Variants in FOXN4 observed in about 807,000 individuals in gnomAD.
FOXN4 encodes forkhead box N4.
A neutral mutation model predicts 45.0 loss-of-function variants in FOXN4; 12 were observed. That is an observed-to-expected ratio of 0.27 (90% CI 0.17 to 0.43). FOXN4 has a LOEUF of 0.43. Among genes scored for constraint, FOXN4 ranks in the 20% least tolerant of loss-of-function variants. The pLI, the probability that FOXN4 is intolerant of heterozygous loss-of-function variation, is 1.00. For missense variants in FOXN4, 560 were observed against 694.9 expected (o/e 0.81, Z 2.18); for synonymous variants, 297 against 295.0 (o/e 1.01, Z -0.07).
rs754367630 is a variant in FOXN4, at chr12:109,281,624, G to C, written c.1077C>G (p.Val359=). 3 of 1,610,462 alleles carry C rather than the reference G, an allele frequency of 1.9e-6. No individual in the cohort carries two copies. The highest frequency in any genetic ancestry group is 1.7e-6 in the Non-Finnish European group (2 of 1,178,460). The change falls in exon 9 of 10, where the codon GTC becomes GTG. Residue 359 remains valine (V), a synonymous_variant. Transcript: ENST00000299162. The part of the protein sequence containing the change: ...QPLMTLSLQS[V]PLHHQVQPQA... Reference sequence around the variant, plus strand: ...GGGGCTGGACCTGGTGGTGCAGGGGGACTGACTGCAGGGACAGGGTCATCA... The same window carrying C: ...GGGGCTGGACCTGGTGGTGCAGGGGCACTGACTGCAGGGACAGGGTCATCA...
intron 2 of FOXN4, among the ~76,000 whole-genome samples, chr12:109,303,947 T>G (rs1435601361): frequency 6.6e-6 from 1 of 151,866 alleles, no homozygotes; most frequent in African/African-American, 2.4e-5. Context: ...TCCCAGGACT[T>G]TGGGAGGCTG....
chr12:109,299,020 T>G (rs563346127), intron 2 of FOXN4, among the ~76,000 whole-genome samples: 1 of 152,258 alleles, frequency 6.6e-6, no homozygotes, highest in South Asian at 2.1e-4. Flanking sequence ...AGGCATCTGG[T>G]CTGCTGAAAA....
At chr12:109,285,199 G>T in intron 8 of FOXN4, 105 bp downstream of exon 8, 1 of 1,407,340 alleles carries the variant, frequency 7.1e-7, no homozygotes, top group Non-Finnish European at 9.8e-7. Context: ...GGCTTCACCA[G>T]GGTTGGCCAT....
In FOXN4 at chr12:109,288,203, C is replaced by T. The variant is rs546925821; in HGVS notation, c.233-23G>A. 30 of 1,542,748 alleles carry T rather than the reference C, an allele frequency of 1.9e-5. No individual in the cohort carries two copies. Among genetic ancestry groups the T allele is most frequent in the African/African-American group, 1.6e-4 (12 of 72,732 alleles). On this transcript the variant is annotated intron_variant, in intron 3 of 9. Transcript: ENST00000299162. This position sits in a 1 kb window ranked among gnomAD's most constrained non-coding sequence, Gnocchi z 4.3. ...CACCTGCCGGAGAGAAGCACAGAGA[C>T]GCTGCTGGGCTGGAGGAATGGTGGC...
intron 2 of FOXN4, among the ~76,000 whole-genome samples, chr12:109,293,015 C>T (rs2047783487): frequency 6.6e-6 from 1 of 152,160 alleles, no homozygotes; most frequent in African/African-American, 2.4e-5. Flanking sequence ...TCTGCAGCCC[C>T]CCGCAGGCCC....
rs2047758379 is a variant in FOXN4 at position 109,290,600 on chromosome 12, A to T, written c.87-314T>A. On this transcript the variant is annotated intron_variant, in intron 2 of 9. Coordinates refer to ENST00000299162, the MANE Select transcript of FOXN4 (RefSeq NM_213596.3). This position sits in a 1 kb window ranked among gnomAD's most constrained non-coding sequence, Gnocchi z 5.1. ...CCAGACACCGATCAAGCCTTTTTAC[A>T]CTCCCAGTCACCCTATGAGGCAGGT... Among the ~76,000 whole-genome samples, 1 of 151,962 alleles carries T rather than the reference A, an allele frequency of 6.6e-6. No individual in the cohort carries two copies. The highest frequency in any genetic ancestry group is 2.1e-4 in the South Asian group (1 of 4,820).
At chr12:109,283,624 TGCC>T (rs2047674394) in intron 8 of FOXN4, among the ~76,000 whole-genome samples, 1 of 151,936 alleles carries the variant, frequency 6.6e-6, no homozygotes, top group Non-Finnish European at 1.5e-5. Flanking sequence ...TACAGGCACC[TGCC>T]ACCATGCCTG....
chr12:109,287,582 A>G lies in FOXN4; in HGVS notation c.469-58T>C, dbSNP rs1414480566. 2.0e-5 allele frequency: 30 copies of G among 1,476,158 alleles called. No individual in the cohort carries two copies. The highest frequency in any genetic ancestry group is 2.6e-5 in the Non-Finnish European group (29 of 1,112,904). 91.4% of individuals were successfully genotyped at this position (1,476,158 alleles called of 1,614,324 possible). A position where few individuals can be genotyped will look rare whatever the true frequency, so the allele number is the denominator to read the frequency against. ...AGAGAAAGAGAGAAGGTGAGAAATA[A>G]CATACGTCACTCACAGTAACACTGT... is the stretch of plus-strand genomic sequence containing the variant. On this transcript the variant is annotated intron_variant, in intron 5 of 9. Transcript: ENST00000299162. The surrounding 1 kb of genome is among the most constrained non-coding windows in gnomAD (Gnocchi z 4.1).
chr12:109,284,882 A>T (rs1222450302), intron 8 of FOXN4, among the ~76,000 whole-genome samples: 1 of 111,460 alleles, frequency 9.0e-6, no homozygotes, highest in Non-Finnish European at 1.8e-5. Context: ...GTGTGTGTGC[A>T]CGCATGTGTG....
chr12:109,308,355 C>G (rs1294848968), intron 1 of FOXN4, 31 bp from the exon 2 acceptor site: 2 of 1,506,170 alleles, frequency 1.3e-6, no homozygotes. Context: ...AAACAAAGCT[C>G]CCATCAGCGA....
At chr12:109,300,656 C>T (rs772462880) in intron 2 of FOXN4, among the ~76,000 whole-genome samples, 3 of 152,166 alleles carry the variant, frequency 2.0e-5, no homozygotes, top group South Asian at 2.1e-4. Flanking sequence ...TGCTTGTAAT[C>T]GAAGCGCTTT....
In FOXN4 at chr12:109,285,525, T is replaced by G. The variant is rs1238360441; in HGVS notation, c.694-14A>C. 19 of 1,613,658 alleles carry G rather than the reference T, an allele frequency of 1.2e-5. No homozygotes were observed. The highest frequency in any genetic ancestry group is 1.6e-5 in the Non-Finnish European group (19 of 1,179,858). On this transcript the variant is annotated splice_polypyrimidine_tract_variant and intron_variant, in intron 7 of 9. Transcript: ENST00000299162. ...GTCGGGGGCCGTCTATGAAGACACA[T>G]GGGCATTCAGAGGCCTCCCTGTAAG...
At chr12:109,297,335 T>TTTTTG (rs1162955560) in intron 2 of FOXN4, among the ~76,000 whole-genome samples, 4 of 152,252 alleles carry the variant, frequency 2.6e-5, no homozygotes, top group African/African-American at 2.4e-5. Flanking sequence ...TATGAGAATC[T>TTTTTG]TTTTGTTTTG....
intron 2 of FOXN4, among the ~76,000 whole-genome samples, chr12:109,298,352 T>C (rs963879176): frequency 1.3e-5 from 2 of 151,620 alleles, no homozygotes; most frequent in Admixed American, 1.3e-4. Flanking sequence ...TTGTTTTTTT[T>C]TTTTGCTTTG....
chr12:109,305,960 G>A (rs545974277), intron 2 of FOXN4, among the ~76,000 whole-genome samples: 13 of 152,054 alleles, frequency 8.5e-5, no homozygotes, highest in South Asian at 2.1e-4. Flanking sequence ...TGCTTGCCCC[G>A]CCCTGTTTTT....
chr12:109,282,030 T>C (rs1327574642), intron 8 of FOXN4, among the ~76,000 whole-genome samples: 1 of 152,256 alleles, frequency 6.6e-6, no homozygotes, highest in Non-Finnish European at 1.5e-5. Context: ...CTCTGCGTCC[T>C]AGCCCATGCT....
chr12:109,299,378 ACAC>A (rs577983842), intron 2 of FOXN4, among the ~76,000 whole-genome samples: 14 of 152,224 alleles, frequency 9.2e-5, no homozygotes, highest in East Asian at 5.8e-4. Context: ...ACGTGCACAC[ACAC>A]AACACACATA....
chr12:109,304,219 AAGAG>A (rs1260789438), intron 2 of FOXN4, among the ~76,000 whole-genome samples: 1 of 122,962 alleles, frequency 8.1e-6, no homozygotes, highest in East Asian at 2.5e-4. Flanking sequence ...AAAGAAAAGA[AAGAG>A]AAAGAAAGAA....
rs781224157 is a variant in FOXN4 at position 109,290,253 on chromosome 12, G to A, written c.120C>T (p.Pro40=). ...GCCACGACAGCGACTGCAGGTCCCC[G>A]GGAAGGTCATCATCGCTGGTGGTGG... is the stretch of plus-strand genomic sequence containing the variant. The part of the protein sequence containing the change: ...LLATTSDDDL[P]GDLQSLSWLT... Residue 40 remains proline (P), a synonymous_variant, in exon 3 of 10, where the codon CCC becomes CCT. Coordinates refer to ENST00000299162, the MANE Select transcript of FOXN4 (RefSeq NM_213596.3). This position sits in a 1 kb window ranked among gnomAD's most constrained non-coding sequence, Gnocchi z 5.1. 2.5e-5 allele frequency: 38 copies of A among 1,550,938 alleles called. No individual in the cohort carries two copies. The highest frequency in any genetic ancestry group is 3.3e-4 in the Middle Eastern group (2 of 6,010).
Sources: allele counts gnomAD v4.1 joint callset (sites outside exome capture counted in the v4.1 genomes callset), GRCh38; gene constraint gnomAD v4.1.1; non-coding constraint Gnocchi (gnomAD v3.1); transcripts MANE v1.5; gene names NCBI Gene and HGNC (gene_info 2026-07-23, HGNC 2026-07-21).